Variants in EFNA5 observed in about 807,000 individuals in gnomAD.
EFNA5 encodes ephrin A5.
A neutral mutation model predicts 22.9 loss-of-function variants in EFNA5; 5 were observed. The observed-to-expected ratio is 0.22, with a 90% CI of 0.11 to 0.46. The LOEUF is 0.46. Ranked by LOEUF, EFNA5 falls within the 20% of genes least tolerant of loss-of-function variation. The pLI, the probability that EFNA5 is intolerant of heterozygous loss-of-function variation, is 0.99. For missense variants in EFNA5, 237 were observed against 293.3 expected (o/e 0.81, Z 1.40); for synonymous variants, 113 against 112.2 (o/e 1.01, Z -0.04).
chr5:107,548,254 T>A (rs1748212848), intron 1 of EFNA5, among the ~76,000 whole-genome samples: 1 of 152,206 alleles, frequency 6.6e-6, no homozygotes, highest in Non-Finnish European at 1.5e-5. Context: ...CTACACTTTT[T>A]AAAAATTTTT....
At chr5:107,509,775 T>C (rs1024603055) in intron 1 of EFNA5, among the ~76,000 whole-genome samples, 1 of 152,200 alleles carries the variant, frequency 6.6e-6, no homozygotes, top group African/African-American at 2.4e-5. Flanking sequence ...CATTAGTATA[T>C]TTCTAGAACC....
intron 1 of EFNA5, among the ~76,000 whole-genome samples, chr5:107,476,057 T>TATACATATATATATATATATATATATATA: frequency 3.0e-5 from 3 of 100,430 alleles, no homozygotes; most frequent in Admixed American, 1.1e-4. Flanking sequence ...TATATATATA[T>TATACATATATATATATATATATATATATA]TTTTTTTTTT....
chr5:107,569,531 T>TTA lies in EFNA5; in HGVS notation c.125+100956_125+100957dup, dbSNP rs1163972447. Among the ~76,000 whole-genome samples the TTA allele has an allele frequency of 3.5e-4, 43 of 121,596 alleles. 1 individual carries two copies. In the East Asian group the frequency reaches 8.3e-3, roughly 23 times the overall value. The allele number at this position is 121,596 out of a possible 152,430, so 79.8% of individuals were successfully genotyped here. A position where few individuals can be genotyped will look rare whatever the true frequency, so the allele number is the denominator to read the frequency against. The stretch of plus-strand genomic sequence containing the variant: ...TATTTATATATGTGTGTATATATAT[T>TTA]TATATATATATGTGTGTATATATAT... On this transcript the variant is annotated intron_variant, in intron 1 of 4. Coordinates refer to ENST00000333274, the MANE Select transcript of EFNA5 (RefSeq NM_001962.3).
At chr5:107,471,179 T>C (rs868073581) in intron 1 of EFNA5, among the ~76,000 whole-genome samples, 2 of 152,152 alleles carry the variant, frequency 1.3e-5, no homozygotes, top group Non-Finnish European at 2.9e-5. Flanking sequence ...TCCTTCGCAC[T>C]CCCCATATTT....
intron 1 of EFNA5, among the ~76,000 whole-genome samples, chr5:107,442,210 A>G (rs1749275063): frequency 6.6e-6 from 1 of 152,082 alleles, no homozygotes; most frequent in Non-Finnish European, 1.5e-5. Context: ...CTTAGTCTTA[A>G]TAATTTCACA....
intron 1 of EFNA5, among the ~76,000 whole-genome samples, chr5:107,519,985 T>C (rs1248057584): frequency 6.6e-6 from 1 of 152,178 alleles, no homozygotes; most frequent in African/African-American, 2.4e-5. Flanking sequence ...TCATGCTTTG[T>C]TTCCTTTCTT....
chr5:107,561,327 C>T lies in EFNA5; in HGVS notation c.125+109162G>A, dbSNP rs143463795. ...TACCTGGTACCACTTGTGTTAAGAG[C>T]CATGTGACAAGCACCTCTTAGTCAT... On this transcript the variant is annotated intron_variant, in intron 1 of 4. Coordinates refer to ENST00000333274, the MANE Select transcript of EFNA5 (RefSeq NM_001962.3). Among the ~76,000 whole-genome samples the T allele has an allele frequency of 5.9e-3, 898 of 152,286 alleles. 14 individuals carry two copies. The highest frequency in any genetic ancestry group is 0.021 in the African/African-American group (855 of 41,532).
intron 1 of EFNA5, among the ~76,000 whole-genome samples, chr5:107,513,899 A>C (rs961500632): frequency 6.6e-6 from 1 of 152,184 alleles, no homozygotes; most frequent in African/African-American, 2.4e-5. Context: ...TGATACAGTA[A>C]GAGAGGAGGA....
At chr5:107,656,630 C>T (rs1054209614) in intron 1 of EFNA5, among the ~76,000 whole-genome samples, 1 of 151,896 alleles carries the variant, frequency 6.6e-6, no homozygotes, top group Admixed American at 6.6e-5. Flanking sequence ...TCTCTATTTC[C>T]CCCCCAATTT....
At chr5:107,540,418 T>C (rs1580520256) in intron 1 of EFNA5, among the ~76,000 whole-genome samples, 1 of 152,290 alleles carries the variant, frequency 6.6e-6, no homozygotes, top group Non-Finnish European at 1.5e-5. Flanking sequence ...AAAAGTCTCA[T>C]TGAAATGAAA....
intron 1 of EFNA5, among the ~76,000 whole-genome samples, chr5:107,592,106 T>TAA (rs1749382346): frequency 7.2e-5 from 9 of 125,716 alleles, no homozygotes; most frequent in African/African-American, 2.8e-4. Flanking sequence ...AAATATATTT[T>TAA]ATATATATTA....
chr5:107,641,000 A>T (rs1750492981), intron 1 of EFNA5, among the ~76,000 whole-genome samples: 1 of 139,360 alleles, frequency 7.2e-6, no homozygotes, highest in African/African-American at 2.6e-5. Context: ...AGATAGATAG[A>T]TAGATAGATA....
At chr5:107,480,653 C>T (rs1165810221) in intron 1 of EFNA5, among the ~76,000 whole-genome samples, 1 of 152,130 alleles carries the variant, frequency 6.6e-6, no homozygotes, top group African/African-American at 2.4e-5. Flanking sequence ...GTATAAAAAG[C>T]AAATAAAGCC....
intron 1 of EFNA5, among the ~76,000 whole-genome samples, chr5:107,533,804 G>A (rs1747872974): frequency 6.6e-6 from 1 of 152,198 alleles, no homozygotes; most frequent in African/African-American, 2.4e-5. Context: ...CACGGAGCTA[G>A]ACGGCTTCTT....
At chr5:107,583,958 G>A (rs1749123345) in intron 1 of EFNA5, among the ~76,000 whole-genome samples, 1 of 152,132 alleles carries the variant, frequency 6.6e-6, no homozygotes, top group South Asian at 2.1e-4. Context: ...CTACACCTCA[G>A]AGCAAAGATA....
At chr5:107,530,394 T>G (rs1747784301) in intron 1 of EFNA5, among the ~76,000 whole-genome samples, 1 of 152,130 alleles carries the variant, frequency 6.6e-6, no homozygotes, top group Admixed American at 6.6e-5. Flanking sequence ...AAATTTCAAG[T>G]GGGTGGGGGA....
intron 1 of EFNA5, among the ~76,000 whole-genome samples, chr5:107,660,261 CATATATAT>C (rs56838945): frequency 0.011 from 572 of 52,346 alleles, 5 homozygotes; most frequent in Middle Eastern, 0.032. Flanking sequence ...ATGGCAAAAA[CATATATAT>C]ATATATATAT....
In EFNA5 at chr5:107,395,311, T is replaced by C. The variant is rs561476622; in HGVS notation, c.419-7540A>G. 1.4e-3 allele frequency among the ~76,000 whole-genome samples: 217 copies of C among 152,240 alleles called. 4 individuals are homozygous for C. In the South Asian group the frequency reaches 0.016, roughly 11 times the overall value. ...GCCTCAGCCTGCCAAAGTGCTGAGA[T>C]TACAGGTGTGAGCCACCATGCCTGG... On this transcript the variant is annotated intron_variant, in intron 2 of 4. Transcript: ENST00000333274.
At chr5:107,654,519 A>G (rs1750788005) in intron 1 of EFNA5, among the ~76,000 whole-genome samples, 1 of 152,188 alleles carries the variant, frequency 6.6e-6, no homozygotes, top group African/African-American at 2.4e-5. Context: ...CATTCAAATC[A>G]TTAAGTAGAC....
Sources: allele counts gnomAD v4.1 joint callset (sites outside exome capture counted in the v4.1 genomes callset), GRCh38; gene constraint gnomAD v4.1.1; transcripts MANE v1.5; gene names NCBI Gene and HGNC (gene_info 2026-07-23, HGNC 2026-07-21).